The following SLC9A8 variants were observed in gnomAD, a reference collection of about 807,000 sequenced individuals.
SLC9A8 encodes solute carrier family 9 member A8.
SLC9A8 carries 48 observed loss-of-function variants against 66.6 expected under a neutral mutation model. The observed-to-expected ratio is 0.72, with a 90% confidence interval of 0.57 to 0.92. The LOEUF is 0.92. SLC9A8 is among the 40% of genes least tolerant of loss of function. SLC9A8 has a pLI of 0.00. For synonymous variants in SLC9A8, 274 were observed against 282.6 expected, an observed-to-expected ratio of 0.97 and a Z score of 0.31; for missense variants, 599 against 747.3, an observed-to-expected ratio of 0.80 and a Z score of 2.31.
At position 49,823,042 on chromosome 20, in the gene SLC9A8, A is replaced by AT; in HGVS notation, c.209-17dup. ...TTGAGTGTTTTTTTTAAAACATTGT[A>AT]TTATTTTTTTTTCCACAGCTATCTG... is the stretch of plus-strand genomic sequence containing the variant. On this transcript the variant is annotated intron_variant, in intron 2 of 15. Coordinates refer to ENST00000361573, the MANE Select transcript of SLC9A8 (RefSeq NM_015266.3). 1.3e-6 allele frequency: 2 copies of AT among 1,588,196 alleles called. No homozygotes were observed. The highest frequency in any genetic ancestry group is 1.7e-6 in the Non-Finnish European group (2 of 1,157,698).
chr20:49,883,765 C>T, intron 13 of SLC9A8, 81 bp from the exon 14 acceptor site: 1 of 1,147,500 alleles, frequency 8.7e-7, no homozygotes, highest in East Asian at 2.4e-5. Context: ...TGGTGCTGGG[C>T]CGGCTGGATT....
At chr20:49,845,890 T>C (rs978368391) in intron 5 of SLC9A8, among the ~76,000 whole-genome samples, 2 of 152,120 alleles carry the variant, frequency 1.3e-5, no homozygotes, top group African/African-American at 4.8e-5. Flanking sequence ...GCTGGAGTCC[T>C]GTGGCATGAT....
At position 49,862,965 on chromosome 20, in the gene SLC9A8, T is replaced by G. The variant is rs1358047821; in HGVS notation, c.750T>G (p.Asp250Glu). The G allele has an allele frequency of 6.2e-7, 1 of 1,613,698 alleles. No homozygotes were observed. The highest frequency in any genetic ancestry group is 2.2e-5 in the East Asian group (1 of 44,886). The change falls in exon 9 of 16, where the codon GAT (aspartate) becomes GAG (glutamate). Residue 250 changes from aspartate to glutamate, a missense_variant. Around this residue, in one of 2 missense-constraint regions of SLC9A8, gnomAD observed 467 missense variants for 626.5 expected, o/e 0.75. Coordinates refer to ENST00000361573, the MANE Select transcript of SLC9A8 (RefSeq NM_015266.3). ...GTTTAACAAGAAAAAATATGTCAGA[T>G]GTCAGTGGGTGGCAAACATTTTTAC... is the stretch of plus-strand genomic sequence containing the variant. The part of the protein sequence containing the change: ...AEGLTRKNMS[D>E]VSGWQTFLQA...
intron 3 of SLC9A8, chr20:49,829,012 T>C (rs1249551694): frequency 1.2e-5 from 1 of 81,840 alleles, no homozygotes; most frequent in African/African-American, 8.6e-5. Flanking sequence ...GATTTTTTTT[T>C]TTTTTTGAGA....
intron 8 of SLC9A8, among the ~76,000 whole-genome samples, chr20:49,862,189 T>C (rs188395213): frequency 1.3e-5 from 2 of 150,560 alleles, no homozygotes; most frequent in Admixed American, 1.3e-4. Flanking sequence ...GTTCCCTCAC[T>C]GGGTGCCTTC....
intron 4 of SLC9A8, among the ~76,000 whole-genome samples, chr20:49,843,907 C>T (rs1043588689): frequency 2.0e-5 from 3 of 152,028 alleles, no homozygotes; most frequent in Non-Finnish European, 4.4e-5. Context: ...TTGCTCTGTT[C>T]GTTCCCTATA....
chr20:49,815,130 A>T lies in SLC9A8; in HGVS notation c.149A>T (p.Gln50Leu), dbSNP rs1205089881. ...KPILPVQTGE[Q>L]AQQEEQSSGM... The stretch of plus-strand genomic sequence containing the variant: ...ATCCTCCCCGTGCAGACAGGGGAGC[A>T]GGCCCAGCAAGAGGAGCAGTCCAGC... The change falls in exon 2 of 16, where the codon CAG (glutamine) becomes CTG (leucine). Residue 50 changes from glutamine (Q) to leucine (L), a missense_variant. Coordinates refer to ENST00000361573, the MANE Select transcript of SLC9A8 (RefSeq NM_015266.3). 6.2e-7 allele frequency: 1 copy of T among 1,607,050 alleles called. No homozygotes were observed. The highest frequency in any genetic ancestry group is 1.7e-5 in the Admixed American group (1 of 58,714).
At chr20:49,882,635 C>T (rs1317375906) in intron 13 of SLC9A8, among the ~76,000 whole-genome samples, 1 of 152,218 alleles carries the variant, frequency 6.6e-6, no homozygotes, top group Non-Finnish European at 1.5e-5. Context: ...CTCCTGTTTC[C>T]AGCTGCCTGT....
intron 15 of SLC9A8, among the ~76,000 whole-genome samples, chr20:49,887,321 G>A (rs1312374912): frequency 6.6e-6 from 1 of 152,124 alleles, no homozygotes; most frequent in Non-Finnish European, 1.5e-5. Context: ...GGCTCTTCCT[G>A]CTGCTGCCCG....
intron 1 of SLC9A8, among the ~76,000 whole-genome samples, 184 bp downstream of exon 1, chr20:49,813,132 C>G (rs2086417798): frequency 6.6e-6 from 1 of 152,234 alleles, no homozygotes; most frequent in African/African-American, 2.4e-5. Flanking sequence ...GTGGGCCTTG[C>G]TTTCCCCTGG....
At chr20:49,851,380 A>G (rs2088245535) in intron 7 of SLC9A8, among the ~76,000 whole-genome samples, 1 of 152,212 alleles carries the variant, frequency 6.6e-6, no homozygotes, top group African/African-American at 2.4e-5. Flanking sequence ...CCAGAATTGC[A>G]TAGTGAGAAG....
intron 10 of SLC9A8, among the ~76,000 whole-genome samples, chr20:49,868,675 CTTATT>C (rs1248871142): frequency 1.3e-5 from 2 of 152,210 alleles, no homozygotes; most frequent in African/African-American, 2.4e-5. Flanking sequence ...AGCTCCACCT[CTTATT>C]GGCTGTGTAA....
chr20:49,842,532 C>T (rs745384870), intron 4 of SLC9A8, among the ~76,000 whole-genome samples: 23 of 152,140 alleles, frequency 1.5e-4, no homozygotes, highest in Admixed American at 9.2e-4. Context: ...CCCTTAGAAG[C>T]GGTATTGCCA....
At chr20:49,834,774 T>C (rs2146537885) in intron 3 of SLC9A8, among the ~76,000 whole-genome samples, 1 of 152,274 alleles carries the variant, frequency 6.6e-6, no homozygotes, top group Non-Finnish European at 1.5e-5. Flanking sequence ...ATGTAACTGC[T>C]TCATGTGTGA....
At chr20:49,866,295 G>C (rs536449326) in intron 10 of SLC9A8, among the ~76,000 whole-genome samples, 2 of 152,202 alleles carry the variant, frequency 1.3e-5, no homozygotes, top group Non-Finnish European at 2.9e-5. Context: ...CAGTTTGTCT[G>C]TTCATCATTT....
chr20:49,835,248 A>G (rs2087483226), intron 3 of SLC9A8, among the ~76,000 whole-genome samples: 2 of 151,748 alleles, frequency 1.3e-5, no homozygotes, highest in South Asian at 4.1e-4. Context: ...ACAGAGTGGC[A>G]TGTACAAGCA....
At chr20:49,869,838 A>T (rs996158902) in intron 10 of SLC9A8, among the ~76,000 whole-genome samples, 20 of 152,084 alleles carry the variant, frequency 1.3e-4, no homozygotes, top group East Asian at 1.9e-4. Flanking sequence ...TCTCAAAAAA[A>T]AAAATAAAAT....
intron 14 of SLC9A8, chr20:49,884,270 A>AC: frequency 3.5e-6 from 1 of 285,090 alleles, no homozygotes; most frequent in Non-Finnish European, 6.5e-6. Flanking sequence ...ACACACACAC[A>AC]CACGACACAC....
rs543791147 is a variant in SLC9A8 at position 49,880,039 on chromosome 20, T to C, written c.1159-885T>C. Reference sequence around the variant, plus strand: ...ACTTTGGGAGGCAAAGGCAGGAGGATTGCTTGAGACCAGGAGTTTGAGACC... The same window carrying C: ...ACTTTGGGAGGCAAAGGCAGGAGGACTGCTTGAGACCAGGAGTTTGAGACC... On this transcript the variant is annotated intron_variant, in intron 12 of 15. Transcript: ENST00000361573. 9.5e-4 allele frequency among the ~76,000 whole-genome samples: 145 copies of C among 151,992 alleles called. 1 individual carries two copies. Among genetic ancestry groups the C allele is most frequent in the Middle Eastern group, 6.8e-3 (2 of 294 alleles).
Sources: gnomAD v4.1 joint callset for allele counts (sites outside exome capture counted in the v4.1 genomes callset) on GRCh38, gnomAD v4.1.1 for gene constraint, gnomAD v4.1.1 regional missense constraint, MANE v1.5 for transcripts, NCBI Gene and HGNC (gene_info 2026-07-23, HGNC 2026-07-21) for gene names.